Variants in TBR1 observed in about 807,000 individuals in gnomAD.
TBR1 encodes the protein T-box brain transcription factor 1.
Under a neutral mutation model 60.3 loss-of-function variants are expected in TBR1, and 7 were observed. That is an observed-to-expected ratio of 0.12 (90% CI 0.07 to 0.22). The LOEUF (loss-of-function observed/expected upper bound fraction) is 0.22. Among genes scored for constraint, TBR1 ranks in the 10% least tolerant of loss-of-function variants. The pLI is 1.00. For synonymous variants in TBR1, 417 were observed against 409.9 expected (o/e 1.02, Z -0.21); for missense variants, 616 against 936.8 (o/e 0.66, Z 4.47).
At chr2:161,418,372 C>T in intron 3 of TBR1, 50 bp downstream of exon 3, 1 of 1,590,242 alleles carries the variant, frequency 6.3e-7, no homozygotes, top group Non-Finnish European at 8.6e-7. Context: ...CCCTTCCTCC[C>T]TGACATCCAG....
At position 161,424,441 on chromosome 2, in the gene TBR1, CT is replaced by C. The variant is rs1684289825; in HGVS notation, c.*217del. The C allele has an allele frequency of 1.7e-6, 1 of 576,150 alleles. No homozygotes were observed. The allele number at this position is 576,150 out of a possible 1,614,324, so 35.7% of individuals were successfully genotyped here. ...CTGCAATTAGCTCACCGACCTTCAA[CT>C]TTGCTGTAAACCTTTTGGTTTTCCT... is the stretch of plus-strand genomic sequence containing the variant. On this transcript the variant is annotated 3_prime_UTR_variant, in exon 6 of 6. Transcript: ENST00000389554. This position sits in a 1 kb window ranked among gnomAD's most constrained non-coding sequence, Gnocchi z 4.4.
chr2:161,420,389 C>A, intron 5 of TBR1, 132 bp downstream of exon 5: 4 of 290,062 alleles, frequency 1.4e-5, no homozygotes, highest in Non-Finnish European at 2.5e-5. Context: ...ACTTCTTCTT[C>A]TTCGTCTTTC....
In TBR1 at chr2:161,417,654, C is replaced by T; in HGVS notation, c.693-22C>T. On this transcript the variant is annotated intron_variant, in intron 1 of 5. Coordinates refer to ENST00000389554, the MANE Select transcript of TBR1 (RefSeq NM_006593.4). This position sits in a 1 kb window ranked among gnomAD's most constrained non-coding sequence, Gnocchi z 5.3. The stretch of plus-strand genomic sequence containing the variant: ...TGTTTCTTTTTTCCTTGTTTTCTCC[C>T]CCCACCCCTTAATTTAAATAGGCGC... 1 of 1,603,776 alleles carries T rather than the reference C, an allele frequency of 6.2e-7. No individual in the cohort carries two copies. Among genetic ancestry groups the T allele is most frequent in the Non-Finnish European group, 8.5e-7 (1 of 1,174,770 alleles).
chr2:161,420,347 T>C, intron 5 of TBR1, 90 bp downstream of exon 5: 1 of 961,940 alleles, frequency 1.0e-6, no homozygotes, highest in East Asian at 2.9e-5. Flanking sequence ...TTTTGAAAGC[T>C]GGAATGTGTG....
rs1334636047 is a variant in TBR1, at chr2:161,418,209, G to T, written c.856G>T (p.Val286Phe). 1 of 1,613,278 alleles carries T rather than the reference G, an allele frequency of 6.2e-7. No homozygotes were observed. Among genetic ancestry groups the T allele is most frequent in the Non-Finnish European group, 8.5e-7 (1 of 1,179,786 alleles). The change falls in exon 3 of 6, where the codon GTC (valine) becomes TTC (phenylalanine). Residue 286 changes from valine (V) to phenylalanine (F), a missense_variant. Physicochemically the swap from Val to Phe is conservative, Grantham distance 50. Transcript: ENST00000389554. ...KADTNVQGNR[V>F]YMHPDSPNTG... is the part of the protein sequence containing the mutation. ...TGTATTTCTTTCTCTAGGAAATCGG[G>T]TCTATATGCATCCGGATTCCCCCAA...
chr2:161,421,814 G>A (rs1014257010), intron 5 of TBR1: 1 of 152,040 alleles, frequency 6.6e-6, no homozygotes, highest in South Asian at 2.1e-4. Flanking sequence ...TAAACAGAAC[G>A]GACCTGAGCA....
chr2:161,418,771 C>G, intron 3 of TBR1, 121 bp from the exon 4 acceptor site: 1 of 1,374,446 alleles, frequency 7.3e-7, no homozygotes, highest in Non-Finnish European at 9.7e-7. Flanking sequence ...GTCAGTTAGC[C>G]TGGAAGGCGG....
rs537048980 is a variant in TBR1 at position 161,424,122 on chromosome 2, C to T, written c.1944C>T (p.Ser648=). ...RRISPADTPV[S]ESSSPLKSEV... ...TCTCGCCGGCCGACACGCCCGTGTC[C>T]GAGAGTTCGTCCCCGCTCAAGAGCG... Residue 648 remains serine (S), a synonymous_variant, in exon 6 of 6, where the codon TCC becomes TCT. Coordinates refer to ENST00000389554, the MANE Select transcript of TBR1 (RefSeq NM_006593.4). The surrounding 1 kb of genome is among the most constrained non-coding windows in gnomAD (Gnocchi z 4.4). 1 of 1,612,608 alleles carries T rather than the reference C, an allele frequency of 6.2e-7. No homozygotes were observed.
At position 161,417,434 on chromosome 2, in the gene TBR1, G is replaced by A; in HGVS notation, c.693-242G>A. 1 of 584,596 alleles carries A rather than the reference G, an allele frequency of 1.7e-6. No individual in the cohort carries two copies. Among genetic ancestry groups the A allele is most frequent in the Non-Finnish European group, 3.0e-6 (1 of 338,248 alleles). The allele number at this position is 584,596 out of a possible 1,614,324, so 36.2% of individuals were successfully genotyped here. On this transcript the variant is annotated intron_variant, in intron 1 of 5. Transcript: ENST00000389554. The surrounding 1 kb of genome is among the most constrained non-coding windows in gnomAD (Gnocchi z 5.3). ...GGTGGAGACGCAGGTCGCCAACCTC[G>A]CTCTCCACCTGGGCAGTGATAACTG... is the stretch of plus-strand genomic sequence containing the variant.
Position 161,417,486 on chromosome 2 carries a change from C to A in TBR1, c.693-190C>A. 1.3e-6 allele frequency: 1 copy of A among 756,246 alleles called. No individual in the cohort carries two copies. Among genetic ancestry groups the A allele is most frequent in the Non-Finnish European group, 2.1e-6 (1 of 482,034 alleles). The allele number at this position is 756,246 out of a possible 1,614,324, so 46.8% of individuals were successfully genotyped here. On this transcript the variant is annotated intron_variant, in intron 1 of 5. Transcript: ENST00000389554. This position sits in a 1 kb window ranked among gnomAD's most constrained non-coding sequence, Gnocchi z 5.3. ...CACCTTCCCACTCCAGCTCACCCGC[C>A]GCTCTCCCTGATTTGGGTTGCACTT...
In TBR1 at chr2:161,419,000, A is replaced by G; in HGVS notation, c.1078A>G (p.Thr360Ala). Residue 360 changes from threonine (T) to alanine (A), a missense_variant, in exon 4 of 6, where the codon ACT (threonine) becomes GCT (alanine). Physicochemically the swap from Thr to Ala is moderately conservative, Grantham distance 58. Coordinates refer to ENST00000389554, the MANE Select transcript of TBR1 (RefSeq NM_006593.4). ...CCAGCCCGGCCGCGTGCAGACGTTC[A>G]CTTTCCCTGAGACTCAGTTCATCGC... Reference protein sequence around the residue: ...TSQPGRVQTFTFPETQFIAVT... With the variant: ...TSQPGRVQTFAFPETQFIAVT... 6.2e-7 allele frequency: 1 copy of G among 1,614,202 alleles called. No homozygotes were observed. Among genetic ancestry groups the G allele is most frequent in the Non-Finnish European group, 8.5e-7 (1 of 1,180,028 alleles).
In TBR1 at chr2:161,417,010, G is replaced by A. The variant is rs1684135741; in HGVS notation, c.600G>A (p.Val200=). 1 of 1,614,136 alleles carries A rather than the reference G, an allele frequency of 6.2e-7. No individual in the cohort carries two copies. The highest frequency in any genetic ancestry group is 8.5e-7 in the Non-Finnish European group (1 of 1,180,046). Residue 200 remains valine (V), a synonymous_variant, in exon 1 of 6, where the codon GTG becomes GTA. Transcript: ENST00000389554. The surrounding 1 kb of genome is among the most constrained non-coding windows in gnomAD (Gnocchi z 5.3). ...TCTCCTCCACCCAGCCGGGGCTGGT[G>A]CCCGGCAAAGCACAGGTGTACCTGT... ...YQFSSTQPGL[V]PGKAQVYLCN...
intron 4 of TBR1, 38 bp downstream of exon 4, chr2:161,419,088 A>T (rs1684183626): frequency 6.2e-7 from 1 of 1,613,250 alleles, no homozygotes; most frequent in Non-Finnish European, 8.5e-7. Context: ...GGCGGGCGGC[A>T]CAGACATCTC....
intron 5 of TBR1, chr2:161,421,598 C>A (rs1206883760): frequency 1.3e-5 from 2 of 152,208 alleles, no homozygotes; most frequent in African/African-American, 4.8e-5. Flanking sequence ...TTTTATTTTG[C>A]ACAAATCAAT....
chr2:161,418,414 A>G, intron 3 of TBR1, 92 bp downstream of exon 3: 1 of 1,476,464 alleles, frequency 6.8e-7, no homozygotes, highest in Non-Finnish European at 9.1e-7. Flanking sequence ...ATGGAACTGG[A>G]TACACGTTTC....
chr2:161,421,282 G>A (rs1424355712), intron 5 of TBR1: 2 of 152,224 alleles, frequency 1.3e-5, no homozygotes, highest in African/African-American at 4.8e-5. Flanking sequence ...AGAGACAAGT[G>A]ACTGCCTCTA....
intron 3 of TBR1, 138 bp from the exon 4 acceptor site, chr2:161,418,754 T>A: frequency 8.4e-7 from 1 of 1,196,202 alleles, no homozygotes; most frequent in Non-Finnish European, 1.1e-6. Context: ...GCCAGGCGAG[T>A]CCCGCGGTCA....
chr2:161,416,927 G>C lies in TBR1; in HGVS notation c.517G>C (p.Gly173Arg). Residue 173 changes from glycine to arginine, a missense_variant, in exon 1 of 6, where the codon GGC (glycine) becomes CGC (arginine). Around this residue, in one of 8 missense-constraint regions of TBR1, gnomAD observed 211 missense variants for 268.7 expected, o/e 0.79. Coordinates refer to ENST00000389554, the MANE Select transcript of TBR1 (RefSeq NM_006593.4). The surrounding 1 kb of genome is among the most constrained non-coding windows in gnomAD (Gnocchi z 6.1). ...CTCGCCGCAGGGATACCCCACGGCC[G>C]GCTACCCCTACCCACAGCAGTACGG... ...NSSPQGYPTA[G>R]YPYPQQYGHS... is the part of the protein sequence containing the mutation. 6 of 1,614,120 alleles carry C rather than the reference G, an allele frequency of 3.7e-6. No homozygotes were observed. Among genetic ancestry groups the C allele is most frequent in the Non-Finnish European group, 5.1e-6 (6 of 1,180,024 alleles).
Position 161,417,274 on chromosome 2 carries a change from G to A in TBR1, c.692+172G>A. 1.5e-6 allele frequency: 1 copy of A among 683,552 alleles called. No homozygotes were observed. Among genetic ancestry groups the A allele is most frequent in the East Asian group, 2.8e-5 (1 of 35,732 alleles). The allele number at this position is 683,552 out of a possible 1,614,324, so 42.3% of individuals were successfully genotyped here. ...TGGAAGGGATAACCGCCAGGGTGAT[G>A]TTGGTGGGGGGGACCCCGTTCTAGG... is the stretch of plus-strand genomic sequence containing the variant. On this transcript the variant is annotated intron_variant, in intron 1 of 5. Transcript: ENST00000389554. The surrounding 1 kb of genome is among the most constrained non-coding windows in gnomAD (Gnocchi z 5.3).
Sources: gnomAD v4.1 joint callset for allele counts on GRCh38, gnomAD v4.1.1 for gene constraint, gnomAD v4.1.1 regional missense constraint, Gnocchi (gnomAD v3.1) non-coding constraint, MANE v1.5 for transcripts, NCBI Gene and HGNC (gene_info 2026-07-23, HGNC 2026-07-21) for gene names.